ARAP2: variants seen among roughly 807,000 people sequenced by gnomAD.
The protein encoded by ARAP2 is arf-GAP with Rho-GAP domain, ANK repeat and PH domain-containing protein 2.
Under a neutral mutation model 194.5 loss-of-function variants are expected in ARAP2, and 148 were observed. The observed-to-expected ratio is 0.76, with a 90% confidence interval of 0.67 to 0.87. ARAP2 has a LOEUF of 0.87. Ranked by LOEUF, ARAP2 falls within the 40% of genes least tolerant of loss-of-function variation. The pLI is 0.00. For missense variants in ARAP2, 2,128 were observed against 1,989.7 expected, an observed-to-expected ratio of 1.07 and a Z score of -1.32; for synonymous variants, 695 against 683.5, an observed-to-expected ratio of 1.02 and a Z score of -0.26.
intron 32 of ARAP2, among the ~76,000 whole-genome samples, chr4:36,068,665 C>A (rs1175917295): frequency 6.6e-6 from 1 of 152,204 alleles, no homozygotes; most frequent in African/African-American, 2.4e-5. Context: ...GCCATGCACT[C>A]ATGAGGGTGA....
At chr4:36,048,997 CTG>C (rs1164571089) in intron 3 of ARAP2, among the ~76,000 whole-genome samples, 2 of 152,040 alleles carry the variant, frequency 1.3e-5, no homozygotes, top group African/African-American at 2.4e-5. Context: ...CGGTACCATA[CTG>C]TGTTTATTAC....
intron 25 of ARAP2, among the ~76,000 whole-genome samples, chr4:36,116,534 A>G (rs2109516599): frequency 6.6e-6 from 1 of 152,040 alleles, no homozygotes; most frequent in Middle Eastern, 3.4e-3. Context: ...TCCCAGACTT[A>G]TATTCAAATC....
chr4:36,133,566 G>A (rs1291893052), intron 19 of ARAP2, among the ~76,000 whole-genome samples, 177 bp from the exon 20 acceptor site: 1 of 151,676 alleles, frequency 6.6e-6, no homozygotes, highest in African/African-American at 2.4e-5. Context: ...TCACTCCATA[G>A]CATTGAGGAA....
At chr4:36,211,222 G>C (rs1746695115) in intron 5 of ARAP2, among the ~76,000 whole-genome samples, 1 of 152,124 alleles carries the variant, frequency 6.6e-6, no homozygotes, top group Non-Finnish European at 1.5e-5. Context: ...CAATAAAACA[G>C]AGAGTATGCC....
chr4:36,166,203 T>G (rs903493937), intron 10 of ARAP2, among the ~76,000 whole-genome samples: 1 of 152,140 alleles, frequency 6.6e-6, no homozygotes, highest in East Asian at 1.9e-4. Context: ...GTTAGTCCTT[T>G]AAAGGCCTAG....
intron 4 of ARAP2, among the ~76,000 whole-genome samples, chr4:36,046,268 C>T (rs1208888003): frequency 6.6e-6 from 1 of 152,158 alleles, no homozygotes; most frequent in Admixed American, 6.5e-5. Flanking sequence ...ACTGCAGCTC[C>T]ACTTCCTGGA....
intron 32 of ARAP2, among the ~76,000 whole-genome samples, chr4:36,069,089 A>G (rs1490992579): frequency 2.0e-5 from 3 of 152,210 alleles, no homozygotes; most frequent in African/African-American, 7.2e-5. Flanking sequence ...CACATAGGAA[A>G]TGATCAATAA....
At chr4:36,238,173 T>C (rs567619930) in intron 1 of ARAP2, among the ~76,000 whole-genome samples, 1 of 152,276 alleles carries the variant, frequency 6.6e-6, no homozygotes, top group Admixed American at 6.5e-5. Flanking sequence ...TCTCTTTAAA[T>C]TGTGGTCACT....
rs542954439 is a variant in ARAP2 at position 36,101,290 on chromosome 4, C to T, written c.4285+6275G>A. ...ACTGTATTGAAGTAGCAGTGGTTAA[C>T]AGAACAAGTAGCCTGTTGACATCCT... is the stretch of plus-strand genomic sequence containing the variant. On this transcript the variant is annotated intron_variant, in intron 27 of 32. Coordinates refer to ENST00000303965, the MANE Select transcript of ARAP2 (RefSeq NM_015230.4). Among the ~76,000 whole-genome samples the T allele has an allele frequency of 1.3e-5, 2 of 151,838 alleles. 1 individual carries two copies. Among genetic ancestry groups the T allele is most frequent in the South Asian group, 4.1e-4 (2 of 4,822 alleles).
intron 8 of ARAP2, among the ~76,000 whole-genome samples, chr4:36,180,844 A>G (rs1739077699): frequency 6.6e-6 from 1 of 152,256 alleles, no homozygotes; most frequent in South Asian, 2.1e-4. Context: ...ACAGTCACGA[A>G]GAAGAACAGG....
At position 36,158,751 on chromosome 4, in the gene ARAP2, A is replaced by T. The variant is rs1733186423; in HGVS notation, c.2731T>A (p.Ser911Thr). 6.2e-7 allele frequency: 1 copy of T among 1,607,540 alleles called. No individual in the cohort carries two copies. The highest frequency in any genetic ancestry group is 1.3e-5 in the African/African-American group (1 of 74,580). Residue 911 changes from serine (S) to threonine (T), a missense_variant, in exon 15 of 33, where the codon TCA becomes ACA. By Grantham distance (58) the Ser-to-Thr change is moderately conservative. Coordinates refer to ENST00000303965, the MANE Select transcript of ARAP2 (RefSeq NM_015230.4). Reference protein sequence around the residue: ...QAPSAASKLSSEKKLLEETNK... With the variant: ...QAPSAASKLSTEKKLLEETNK... ...ATACCTTCAAGCAGTTTTTTCTCTGAAGAGAGTTTAGAAGCAGCAGAAGGA... is the reference window on the plus strand; with the variant it reads ...ATACCTTCAAGCAGTTTTTTCTCTGTAGAGAGTTTAGAAGCAGCAGAAGGA...
At chr4:36,204,681 A>C (rs1355596908) in intron 6 of ARAP2, among the ~76,000 whole-genome samples, 1 of 152,174 alleles carries the variant, frequency 6.6e-6, no homozygotes, top group African/African-American at 2.4e-5. Context: ...CAGATGAATG[A>C]GTACACATAT....
chr4:36,083,330 T>C, intron 29 of ARAP2, 38 bp downstream of exon 29: 2 of 1,429,462 alleles, frequency 1.4e-6, no homozygotes, highest in Non-Finnish European at 1.9e-6. Context: ...ATTTTTCCCA[T>C]AAGTTTTTCC....
chr4:36,053,707 G>A (rs1723056945), intron 2 of ARAP2, among the ~76,000 whole-genome samples: 1 of 152,296 alleles, frequency 6.6e-6, no homozygotes, highest in Middle Eastern at 3.4e-3. Context: ...AAAAATTGAA[G>A]AGTTTTTAAA....
chr4:36,214,505 T>C, intron 2 of ARAP2, 25 bp from the exon 3 acceptor site: 5 of 1,517,146 alleles, frequency 3.3e-6, no homozygotes, highest in Non-Finnish European at 4.5e-6. Context: ...GAGAAAATAC[T>C]TATGAGTGAA....
rs201649815 is a variant in ARAP2 at position 36,072,681 on chromosome 4, C to A, written c.4743+1008G>T. On this transcript the variant is annotated intron_variant, in intron 32 of 32. Transcript: ENST00000303965. ...CTAAAAAAAAACAAAAAAAAAACCC[C>A]AAAAAAAACAAAAAAAAAAACTAGG... Among the ~76,000 whole-genome samples, 9 of 141,898 alleles carry A rather than the reference C, an allele frequency of 6.3e-5. 1 individual carries two copies. The East Asian group carries it at 1.4e-3, about 23-fold the overall frequency. 93.1% of individuals were successfully genotyped at this position (141,898 alleles called of 152,430 possible). A position where few individuals can be genotyped will look rare whatever the true frequency, so the allele number is the denominator to read the frequency against.
At position 36,131,145 on chromosome 4, in the gene ARAP2, T is replaced by C. The variant is rs537860290; in HGVS notation, c.3427+2081A>G. Among the ~76,000 whole-genome samples the C allele has an allele frequency of 2.6e-5, 4 of 151,750 alleles. No individual in the cohort carries two copies. The East Asian group carries it at 7.8e-4, about 30-fold the overall frequency. On this transcript the variant is annotated intron_variant, in intron 20 of 32. Coordinates refer to ENST00000303965, the MANE Select transcript of ARAP2 (RefSeq NM_015230.4). ...GAAACCATCTGCATCCTATAATCACTGGGTGTTTTCTAAGTTTCTGTCAAA... is the reference window on the plus strand; with the variant it reads ...GAAACCATCTGCATCCTATAATCACCGGGTGTTTTCTAAGTTTCTGTCAAA...
chr4:36,189,254 T>A (rs976553689), intron 7 of ARAP2, among the ~76,000 whole-genome samples: 21 of 152,318 alleles, frequency 1.4e-4, no homozygotes, highest in Middle Eastern at 3.4e-3. Flanking sequence ...TATTTTTTTT[T>A]AATTTTCTAA....
intron 28 of ARAP2, among the ~76,000 whole-genome samples, chr4:36,091,005 T>C (rs756310796): frequency 6.6e-6 from 1 of 152,094 alleles, no homozygotes; most frequent in Admixed American, 6.6e-5. Context: ...TTTGTTTTAC[T>C]TTTTTTATCC....
Sources: allele counts gnomAD v4.1 joint callset (sites outside exome capture counted in the v4.1 genomes callset), GRCh38; gene constraint gnomAD v4.1.1; transcripts MANE v1.5; gene names NCBI Gene and HGNC (gene_info 2026-07-23, HGNC 2026-07-21).